Variants in CDC42BPB observed in about 807,000 individuals in gnomAD.
CDC42BPB encodes the protein serine/threonine-protein kinase MRCK beta.
Under a neutral mutation model 214.9 loss-of-function variants are expected in CDC42BPB, and 37 were observed. That is an observed-to-expected ratio of 0.17 (90% CI 0.13 to 0.23). The LOEUF (loss-of-function observed/expected upper bound fraction) is 0.23. CDC42BPB is among the 10% of genes least tolerant of loss of function. The probability of loss-of-function intolerance (pLI) is 1.00; values close to 1 mark genes in which losing one functional copy is unlikely to be tolerated. For missense variants in CDC42BPB, 1,694 were observed against 2,227.0 expected, an observed-to-expected ratio of 0.76 and a Z score of 4.82; for synonymous variants, 931 against 884.0, an observed-to-expected ratio of 1.05 and a Z score of -0.94.
chr14:103,008,023 C>T lies in CDC42BPB; in HGVS notation c.351+449G>A, dbSNP rs146411032. Reference sequence around the variant, plus strand: ...GGCCACCAAGAAGACTGACACGGAACTAAGAAAAAGGAGCTGATCAAAGCC... The same window carrying T: ...GGCCACCAAGAAGACTGACACGGAATTAAGAAAAAGGAGCTGATCAAAGCC... On this transcript the variant is annotated intron_variant, in intron 3 of 36. Transcript: ENST00000361246. 2.4e-3 allele frequency among the ~76,000 whole-genome samples: 368 copies of T among 152,078 alleles called. 11 individuals carry two copies. The South Asian group carries it at 0.05, about 20-fold the overall frequency.
intron 1 of CDC42BPB, among the ~76,000 whole-genome samples, chr14:103,051,426 T>TAAAAAAAA (rs549332515): frequency 1.2e-5 from 1 of 80,862 alleles, no homozygotes; most frequent in African/African-American, 3.8e-5. Context: ...CTCTTCCAGC[T>TAAAAAAAA]AAAAAAAAAA....
At position 103,038,977 on chromosome 14, in the gene CDC42BPB, T is replaced by A. The variant is rs534990089; in HGVS notation, c.175+18022A>T. On this transcript the variant is annotated intron_variant, in intron 1 of 36. Coordinates refer to ENST00000361246, the MANE Select transcript of CDC42BPB (RefSeq NM_006035.4). ...TGACATTAACAGAAGTAAAGAAGATTATTAAGAAAAACTATGAACAACTGT... is the reference window on the plus strand; with the variant it reads ...TGACATTAACAGAAGTAAAGAAGATAATTAAGAAAAACTATGAACAACTGT... Among the ~76,000 whole-genome samples, 26 of 152,202 alleles carry A rather than the reference T, an allele frequency of 1.7e-4. No individual in the cohort carries two copies. In the South Asian group the frequency reaches 5.2e-3, roughly 30 times the overall value.
In CDC42BPB at chr14:102,943,843, G is replaced by A. The variant is rs371032953; in HGVS notation, c.4408+48C>T. Reference sequence around the variant, plus strand: ...CAAAATCGAACACATGCTGACTGTCGGTGGGAAAAGCAGCAACAGGGATAT... The same window carrying A: ...CAAAATCGAACACATGCTGACTGTCAGTGGGAAAAGCAGCAACAGGGATAT... On this transcript the variant is annotated intron_variant, in intron 30 of 36. Coordinates refer to ENST00000361246, the MANE Select transcript of CDC42BPB (RefSeq NM_006035.4). This position sits in a 1 kb window ranked among gnomAD's most constrained non-coding sequence, Gnocchi z 4.6. The A allele has an allele frequency of 4.7e-4, 715 of 1,516,492 alleles. No homozygotes were observed. Among genetic ancestry groups the A allele is most frequent in the South Asian group, 1.1e-3 (89 of 82,640 alleles). 93.9% of individuals were successfully genotyped at this position (1,516,492 alleles called of 1,614,324 possible). A position where few individuals can be genotyped will look rare whatever the true frequency, so the allele number is the denominator to read the frequency against.
chr14:102,977,650 C>T (rs776778534), intron 9 of CDC42BPB, among the ~76,000 whole-genome samples: 18 of 152,180 alleles, frequency 1.2e-4, no homozygotes, highest in African/African-American at 1.9e-4. Flanking sequence ...CAGCTGAGTG[C>T]GCATGGCAAC....
Position 102,968,632 on chromosome 14 carries a change from C to T in CDC42BPB, c.2080G>A (p.Val694Ile). 3 of 1,614,240 alleles carry T rather than the reference C, an allele frequency of 1.9e-6. No individual in the cohort carries two copies. Among genetic ancestry groups the T allele is most frequent in the Non-Finnish European group, 2.5e-6 (3 of 1,180,050 alleles). The change falls in exon 15 of 37, where the codon GTC (valine) becomes ATC (isoleucine). Residue 694 changes from valine (V) to isoleucine (I), a missense_variant. Val to Ile is a conservative substitution (Grantham distance 29). Coordinates refer to ENST00000361246, the MANE Select transcript of CDC42BPB (RefSeq NM_006035.4). ...SKIKSELEKK[V>I]LFYEEELVRR... ...ACCAATTCCTCTTCATAAAATAAGA[C>T]TTTCTTCTCCAGCTCGGATTTGATT...
At chr14:102,975,522 TA>T (rs943264978) in intron 11 of CDC42BPB, among the ~76,000 whole-genome samples, 161 bp downstream of exon 11, 13 of 151,090 alleles carry the variant, frequency 8.6e-5, no homozygotes, top group African/African-American at 2.2e-4. Flanking sequence ...AAACTCCGTC[TA>T]AAAAAAAACA....
chr14:102,948,612 TG>T (rs1312008905), intron 26 of CDC42BPB, among the ~76,000 whole-genome samples: 1 of 39,320 alleles, frequency 2.5e-5, no homozygotes, highest in African/African-American at 1.1e-4. Context: ...GGTGCAGAGG[TG>T]GGGGGGTGGC....
At chr14:102,954,307 C>T (rs1489239406) in intron 22 of CDC42BPB, 32 bp from the exon 23 acceptor site, 1 of 1,484,546 alleles carries the variant, frequency 6.7e-7, no homozygotes, top group Middle Eastern at 1.8e-4. Flanking sequence ...TGAGTGTCGG[C>T]CCAGCTCAGC....
intron 18 of CDC42BPB, among the ~76,000 whole-genome samples, chr14:102,965,255 G>A (rs1893146086): frequency 6.6e-6 from 1 of 152,026 alleles, no homozygotes; most frequent in African/African-American, 2.4e-5. Context: ...TTCTATATGG[G>A]TCCACTGGAC....
At chr14:103,014,339 A>G (rs1055383101) in intron 1 of CDC42BPB, among the ~76,000 whole-genome samples, 2 of 151,740 alleles carry the variant, frequency 1.3e-5, no homozygotes, top group African/African-American at 4.8e-5. Context: ...TCTCTCTTGC[A>G]CCTGTCTCTA....
At chr14:103,048,943 C>T (rs1300656898) in intron 1 of CDC42BPB, among the ~76,000 whole-genome samples, 1 of 151,852 alleles carries the variant, frequency 6.6e-6, no homozygotes, top group African/African-American at 2.4e-5. Context: ...ACTCCAATAA[C>T]ACAAAACTAT....
At chr14:102,969,580 C>A (rs922560999) in intron 14 of CDC42BPB, among the ~76,000 whole-genome samples, 20 of 152,250 alleles carry the variant, frequency 1.3e-4, no homozygotes, top group African/African-American at 4.8e-4. Context: ...AGGGAGAGGG[C>A]AGACCCATCG....
intron 20 of CDC42BPB, among the ~76,000 whole-genome samples, chr14:102,962,566 T>C (rs1418914790): frequency 6.6e-6 from 1 of 152,204 alleles, no homozygotes; most frequent in African/African-American, 2.4e-5. Context: ...AAAGGAAGGA[T>C]AGGCTGGGCA....
intron 1 of CDC42BPB, among the ~76,000 whole-genome samples, chr14:103,044,566 T>G (rs984206867): frequency 5.3e-5 from 8 of 151,856 alleles, no homozygotes; most frequent in Non-Finnish European, 1.0e-4. Context: ...AGATGGGGTT[T>G]CACCAACTTG....
At position 102,933,596 on chromosome 14, in the gene CDC42BPB, C is replaced by T; in HGVS notation, c.*116G>A. Reference sequence around the variant, plus strand: ...AATAAAGATTTGTCTTCTTCATCTCCATATCTACAAAGTGATTCTACATTT... The same window carrying T: ...AATAAAGATTTGTCTTCTTCATCTCTATATCTACAAAGTGATTCTACATTT... On this transcript the variant is annotated 3_prime_UTR_variant, in exon 37 of 37. Coordinates refer to ENST00000361246, the MANE Select transcript of CDC42BPB (RefSeq NM_006035.4). The T allele has an allele frequency of 3.7e-6, 3 of 811,278 alleles. No homozygotes were observed. The highest frequency in any genetic ancestry group is 2.5e-5 in the South Asian group (1 of 39,494). The allele number at this position is 811,278 out of a possible 1,614,324, so 50.3% of individuals were successfully genotyped here. A position where few individuals can be genotyped will look rare whatever the true frequency, so the allele number is the denominator to read the frequency against.
chr14:103,015,881 G>A (rs1301288740), intron 1 of CDC42BPB, among the ~76,000 whole-genome samples: 1 of 150,432 alleles, frequency 6.6e-6, no homozygotes, highest in African/African-American at 2.5e-5. Flanking sequence ...GCTAATTTTT[G>A]TATTTTTTTT....
intron 1 of CDC42BPB, among the ~76,000 whole-genome samples, chr14:103,015,549 A>G (rs1212670213): frequency 2.0e-5 from 3 of 152,242 alleles, no homozygotes; most frequent in Middle Eastern, 3.2e-3. Context: ...GGAAAGCCGC[A>G]TCACAGTAGC....
chr14:103,053,261 T>C (rs181815469), intron 1 of CDC42BPB, among the ~76,000 whole-genome samples: 138 of 151,532 alleles, frequency 9.1e-4, no homozygotes, highest in African/African-American at 3.3e-3. Context: ...GGCAGAGAAT[T>C]GCTTGAACCC....
intron 13 of CDC42BPB, 76 bp from the exon 14 acceptor site, chr14:102,970,337 C>T: frequency 6.5e-7 from 1 of 1,526,758 alleles, no homozygotes; most frequent in Non-Finnish European, 8.8e-7. Flanking sequence ...CCCACGGGAC[C>T]TCCACAAGAA....
Sources: allele counts gnomAD v4.1 joint callset (sites outside exome capture counted in the v4.1 genomes callset), GRCh38; gene constraint gnomAD v4.1.1; non-coding constraint Gnocchi (gnomAD v3.1); transcripts MANE v1.5; gene names NCBI Gene and HGNC (gene_info 2026-07-23, HGNC 2026-07-21).